RBFOX1: variants seen among roughly 807,000 people sequenced by gnomAD.
RBFOX1 encodes the protein RNA binding protein fox-1 homolog 1.
A neutral mutation model predicts 57.7 loss-of-function variants in RBFOX1; 8 were observed. The ratio of observed to expected loss-of-function variants is 0.14; its 90% CI spans 0.08 to 0.25. The LOEUF is 0.25. Ranked by LOEUF, RBFOX1 falls within the 10% of genes least tolerant of loss-of-function variation. The pLI, the probability that RBFOX1 is intolerant of heterozygous loss-of-function variation, is 1.00. For synonymous variants in RBFOX1, 326 were observed against 222.4 expected, an observed-to-expected ratio of 1.47 and a Z score of -4.15; for missense variants, 611 against 548.5, an observed-to-expected ratio of 1.11 and a Z score of -1.14.
chr16:5,445,122 A>T (rs915714185), intron 1 of RBFOX1, among the ~76,000 whole-genome samples: 1 of 152,156 alleles, frequency 6.6e-6, no homozygotes, highest in African/African-American at 2.4e-5. Context: ...GGGGATCTGG[A>T]TGGATTCCAG....
At chr16:6,167,710 C>A (rs1224026013) in intron 1 of RBFOX1, among the ~76,000 whole-genome samples, 1 of 152,126 alleles carries the variant, frequency 6.6e-6, no homozygotes, top group Non-Finnish European at 1.5e-5. Context: ...GAACTCTTGT[C>A]AGCAATCTGC....
At chr16:5,250,007 G>A (rs2151075652) in intron 1 of RBFOX1, among the ~76,000 whole-genome samples, 2 of 151,906 alleles carry the variant, frequency 1.3e-5, no homozygotes, top group South Asian at 4.2e-4. Flanking sequence ...GTTGCAGTGA[G>A]GAGGAGGTTG....
At chr16:5,261,902 C>G (rs2062743974) in intron 1 of RBFOX1, among the ~76,000 whole-genome samples, 1 of 152,172 alleles carries the variant, frequency 6.6e-6, no homozygotes, top group African/African-American at 2.4e-5. Context: ...TGCATCTTGT[C>G]TTCTTCTCTC....
At chr16:6,686,118 G>A (rs571550888) in intron 3 of RBFOX1, among the ~76,000 whole-genome samples, 1 of 152,208 alleles carries the variant, frequency 6.6e-6, no homozygotes, top group Non-Finnish European at 1.5e-5. Flanking sequence ...AGCAGCAGCA[G>A]TGGGGACTAT....
chr16:6,876,848 G>T (rs1567675894), intron 3 of RBFOX1, among the ~76,000 whole-genome samples: 1 of 152,290 alleles, frequency 6.6e-6, no homozygotes, highest in Non-Finnish European at 1.5e-5. Flanking sequence ...GTGAGCAATG[G>T]AAGTGGGATT....
chr16:6,775,395 C>T (rs894422493), intron 3 of RBFOX1, among the ~76,000 whole-genome samples: 1 of 147,794 alleles, frequency 6.8e-6, no homozygotes. Context: ...ACTGTTAAGA[C>T]CTCTCAGGTT....
At chr16:7,406,942 A>C (rs561213183) in intron 4 of RBFOX1, among the ~76,000 whole-genome samples, 1 of 152,222 alleles carries the variant, frequency 6.6e-6, no homozygotes. Context: ...AGCATTTTCA[A>C]ATCTCTCTCT....
At chr16:7,151,539 A>G (rs2076108372) in intron 4 of RBFOX1, among the ~76,000 whole-genome samples, 3 of 152,094 alleles carry the variant, frequency 2.0e-5, no homozygotes, top group Non-Finnish European at 4.4e-5. Flanking sequence ...GCACTCCCCA[A>G]CCTTTTTGGC....
intron 3 of RBFOX1, among the ~76,000 whole-genome samples, chr16:5,662,072 T>A (rs2049671101): frequency 6.6e-6 from 1 of 152,116 alleles, no homozygotes; most frequent in East Asian, 1.9e-4. Context: ...AGGCATGAGC[T>A]ACCGCGCCCG....
intron 4 of RBFOX1, among the ~76,000 whole-genome samples, chr16:7,308,345 G>T (rs886439530): frequency 1.4e-5 from 2 of 145,818 alleles, no homozygotes; most frequent in Non-Finnish European, 3.0e-5. Flanking sequence ...AGGATCAGTA[G>T]CATATTAACT....
intron 4 of RBFOX1, among the ~76,000 whole-genome samples, chr16:7,272,575 G>A (rs1448556522): frequency 6.6e-6 from 1 of 152,162 alleles, no homozygotes; most frequent in Non-Finnish European, 1.5e-5. Flanking sequence ...CACTTGCCAG[G>A]TTGTAGAGAG....
chr16:5,922,396 G>A (rs978737926), intron 4 of RBFOX1, among the ~76,000 whole-genome samples: 2 of 152,180 alleles, frequency 1.3e-5, no homozygotes, highest in East Asian at 1.9e-4. Flanking sequence ...AGGGACACAA[G>A]GAGATGTGGC....
intron 4 of RBFOX1, among the ~76,000 whole-genome samples, chr16:7,092,386 C>CA (rs2061003035): frequency 6.6e-6 from 1 of 152,262 alleles, no homozygotes; most frequent in Admixed American, 6.5e-5. Context: ...TACTCTGTTT[C>CA]AAAAAATGAG....
intron 2 of RBFOX1, among the ~76,000 whole-genome samples, chr16:6,579,308 G>C (rs1172964734): frequency 6.6e-6 from 1 of 151,998 alleles, no homozygotes; most frequent in African/African-American, 2.4e-5. Flanking sequence ...GGCTCAAGCA[G>C]TCCTCCCACC....
rs374127612 is a variant in RBFOX1, at chr16:6,091,623, A to G, written c.-127+71631A>G. ...GGCAGGCGGATCACCTGAGGTCATG[A>G]GTTCGAGACCAGCCTGGCCAACATG... On this transcript the variant is annotated intron_variant, in intron 1 of 15. Coordinates refer to ENST00000550418, the MANE Select transcript of RBFOX1 (RefSeq NM_018723.4). Among the ~76,000 whole-genome samples the G allele has an allele frequency of 7.2e-5, 11 of 152,298 alleles. No individual in the cohort carries two copies. The South Asian group carries it at 2.3e-3, about 32-fold the overall frequency.
intron 2 of RBFOX1, among the ~76,000 whole-genome samples, chr16:6,550,396 C>G (rs936114268): frequency 3.3e-5 from 5 of 152,176 alleles, no homozygotes; most frequent in Non-Finnish European, 5.9e-5. Flanking sequence ...AGGCTGGTCT[C>G]CAGTTCATGG....
intron 7 of RBFOX1, among the ~76,000 whole-genome samples, chr16:7,587,715 C>T (rs778624293): frequency 8.5e-5 from 13 of 152,160 alleles, no homozygotes; most frequent in Admixed American, 6.5e-4. Flanking sequence ...ATCTCATATA[C>T]ACCAACCTTT....
At chr16:6,619,048 G>C (rs72762949) in intron 2 of RBFOX1, among the ~76,000 whole-genome samples, 20,606 of 152,146 alleles carry the variant, frequency 0.14, 1,805 homozygotes, top group Non-Finnish European at 0.2. Context: ...GAGAAGAGTG[G>C]ACAGTGGTGA....
At chr16:7,416,336 A>G (rs1271396459) in intron 4 of RBFOX1, among the ~76,000 whole-genome samples, 1 of 152,146 alleles carries the variant, frequency 6.6e-6, no homozygotes, top group Non-Finnish European at 1.5e-5. Flanking sequence ...CTTTCTGTTG[A>G]TCCATGCCCA....
Sources: allele counts gnomAD v4.1 joint callset (sites outside exome capture counted in the v4.1 genomes callset), GRCh38; gene constraint gnomAD v4.1.1; transcripts MANE v1.5; gene names NCBI Gene and HGNC (gene_info 2026-07-23, HGNC 2026-07-21).